AHNAK: variants seen among roughly 807,000 people sequenced by gnomAD.
AHNAK encodes AHNAK nucleoprotein, also known as neuroblast differentiation-associated protein AHNAK.
In AHNAK, 23 loss-of-function variants were observed where a neutral mutation model predicts 37.8. That is an observed-to-expected ratio of 0.61 (90% CI 0.44 to 0.86). The LOEUF (loss-of-function observed/expected upper bound fraction) is 0.86, where lower values mean the gene tolerates loss of function less well. AHNAK is among the 40% of genes least tolerant of loss of function. The pLI is 0.00. For synonymous variants in AHNAK, 2,481 were observed against 2,636.3 expected, an observed-to-expected ratio of 0.94 and a Z score of 1.80; for missense variants, 7,411 against 7,319.4, an observed-to-expected ratio of 1.01 and a Z score of -0.46.
At chr11:62,472,752 TA>T (rs762152322) in intron 5 of AHNAK, among the ~76,000 whole-genome samples, 3 of 152,072 alleles carry the variant, frequency 2.0e-5, no homozygotes, top group Admixed American at 6.6e-5. Context: ...AAATGCTGTA[TA>T]ACTCCACTTA....
Position 62,525,667 on chromosome 11 carries a change from T to A in AHNAK, c.8750A>T (p.Asn2917Ile), listed in dbSNP as rs1162539333. 6.2e-7 allele frequency: 1 copy of A among 1,613,670 alleles called. No homozygotes were observed. Among genetic ancestry groups the A allele is most frequent in the South Asian group, 1.1e-5 (1 of 91,058 alleles). The part of the protein sequence containing the change: ...FKAEGPEVDV[N>I]LPKADVDVSG... ...GACATCAACGTCAGCCTTGGGCAGG[T>A]TCACATCCACTTCAGGGCCCTCTGC... Residue 2917 changes from asparagine (N) to isoleucine (I), a missense_variant, in exon 5 of 5, where the codon AAC becomes ATC. Transcript: ENST00000378024.
rs772759818 is a variant in AHNAK at position 62,530,004 on chromosome 11, T to G, written c.4413A>C (p.Val1471=). The change falls in exon 5 of 5, where the codon GTA becomes GTC. Residue 1471 remains valine (V), a synonymous_variant. Transcript: ENST00000378024. ...TCTCTCCTTCTACTTTTGGAACTGT[T>G]ACATCATAATCTCCTTTCATTTTAG... ...KGPKMKGDYD[V]TVPKVEGEIK... is the part of the protein sequence containing the mutation. 6.2e-7 allele frequency: 1 copy of G among 1,614,030 alleles called. No homozygotes were observed. The highest frequency in any genetic ancestry group is 1.1e-5 in the South Asian group (1 of 91,068).
Position 62,529,077 on chromosome 11 carries a change from C to T in AHNAK, c.5340G>A (p.Lys1780=), listed in dbSNP as rs1940624268. The T allele has an allele frequency of 6.2e-7, 1 of 1,613,928 alleles. No individual in the cohort carries two copies. Among genetic ancestry groups the T allele is most frequent in the African/African-American group, 1.3e-5 (1 of 74,838 alleles). The change falls in exon 5 of 5, where the codon AAG becomes AAA. Residue 1780 remains lysine, a synonymous_variant. Coordinates refer to ENST00000378024, the MANE Select transcript of AHNAK (RefSeq NM_001620.3). ...KMPKLNIKAP[K]VSMPDVDLNL... ...TCAAGTCCACATCTGGCATGGAGAC[C>T]TTGGGAGCTTTTATATTCAACTTGG...
At chr11:62,478,635 C>G (rs544363161) in intron 5 of AHNAK, among the ~76,000 whole-genome samples, 47 of 151,508 alleles carry the variant, frequency 3.1e-4, no homozygotes, top group African/African-American at 1.1e-3. Flanking sequence ...GTGGTCCTAG[C>G]TACTCAGGAG....
At chr11:62,464,236 G>A (rs896912158) in intron 5 of AHNAK, among the ~76,000 whole-genome samples, 5 of 150,066 alleles carry the variant, frequency 3.3e-5, no homozygotes, top group Admixed American at 1.3e-4. Context: ...GGGGCGGGGC[G>A]GTGTAGAGAC....
rs149615783 is a variant in AHNAK at position 62,526,453 on chromosome 11, C to A, written c.7964G>T (p.Gly2655Val). 1.1e-3 allele frequency: 1,819 copies of A among 1,612,542 alleles called. 1 individual carries two copies. Among genetic ancestry groups the A allele is most frequent in the Non-Finnish European group, 1.4e-3 (1,636 of 1,179,430 alleles). The part of the protein sequence containing the change: ...KFSMPGFKGE[G>V]PDGDVKLPKA... The stretch of plus-strand genomic sequence containing the variant: ...GGGCAGCTTCACATCCCCATCTGGG[C>A]CCTCTCCTTTGAAGCCAGGCATGCT... Residue 2655 changes from glycine (G) to valine (V), a missense_variant, in exon 5 of 5, where the codon GGC becomes GTC. By Grantham distance (109) the Gly-to-Val change is moderately radical. Coordinates refer to ENST00000378024, the MANE Select transcript of AHNAK (RefSeq NM_001620.3).
In AHNAK at chr11:62,525,507, C is replaced by T. The variant is rs1940444599; in HGVS notation, c.8910G>A (p.Leu2970=). ...APKIPMPDFD[L]HLKGPKVKGD... is the part of the protein sequence containing the mutation. ...CCTTCACCTTGGGACCTTTCAGATG[C>T]AAATCAAAGTCAGGCATGGGGATCT... The change falls in exon 5 of 5, where the codon TTG becomes TTA. Residue 2970 remains leucine (L), a synonymous_variant. Coordinates refer to ENST00000378024, the MANE Select transcript of AHNAK (RefSeq NM_001620.3). 6.8e-6 allele frequency: 11 copies of T among 1,609,314 alleles called. No individual in the cohort carries two copies. The highest frequency in any genetic ancestry group is 9.3e-6 in the Non-Finnish European group (11 of 1,178,352).
At position 62,520,666 on chromosome 11, in the gene AHNAK, G is replaced by C. The variant is rs376247409; in HGVS notation, c.13751C>G (p.Pro4584Arg). 229 of 1,614,006 alleles carry C rather than the reference G, an allele frequency of 1.4e-4. No homozygotes were observed. Among genetic ancestry groups the C allele is most frequent in the Non-Finnish European group, 1.9e-4 (224 of 1,180,044 alleles). Residue 4584 changes from proline (P) to arginine (R), a missense_variant, in exon 5 of 5, where the codon CCT becomes CGT. Physicochemically the swap from Pro to Arg is moderately radical, Grantham distance 103 (BLOSUM62 -2). Coordinates refer to ENST00000378024, the MANE Select transcript of AHNAK (RefSeq NM_001620.3). The part of the protein sequence containing the change: ...GKLKGPKFKM[P>R]DLHLKAPKIS... ...CTTCGGTGCCTTGAGGTGTAAGTCA[G>C]GCATTTTAAATTTGGGGCCCTTCAG...
intron 5 of AHNAK, among the ~76,000 whole-genome samples, chr11:62,449,244 T>G (rs1446226250): frequency 6.6e-6 from 1 of 152,192 alleles, no homozygotes; most frequent in African/African-American, 2.4e-5. Context: ...ACAGCTATGC[T>G]CTCTCCTTCC....
chr11:62,513,498 G>A (rs866720550), downstream of AHNAK, among the ~76,000 whole-genome samples: 1 of 151,784 alleles, frequency 6.6e-6, no homozygotes, highest in Admixed American at 6.6e-5. Flanking sequence ...TCACACCATT[G>A]CACTCCAGCC....
At chr11:62,449,386 A>C (rs1287088144) in intron 5 of AHNAK, among the ~76,000 whole-genome samples, 1 of 152,124 alleles carries the variant, frequency 6.6e-6, no homozygotes, top group Non-Finnish European at 1.5e-5. Flanking sequence ...CAGCTGTAGA[A>C]AAGCTGAAAC....
At chr11:62,456,366 G>A (rs1221211503) in intron 5 of AHNAK, among the ~76,000 whole-genome samples, 1 of 152,218 alleles carries the variant, frequency 6.6e-6, no homozygotes, top group African/African-American at 2.4e-5. Context: ...GTCAAGCACT[G>A]TGCTAGGCGG....
In AHNAK at chr11:62,529,771, T is replaced by A; in HGVS notation, c.4646A>T (p.Asp1549Val). ...LGVSGPKVDI[D>V]VPDVNLEAPE... The stretch of plus-strand genomic sequence containing the variant: ...AGCTTCAAGATTCACATCTGGAACA[T>A]CAATGTCCACCTTGGGTCCTGAAAC... The change falls in exon 5 of 5, where the codon GAT becomes GTT. Residue 1549 changes from aspartate (D) to valine (V), a missense_variant. Coordinates refer to ENST00000378024, the MANE Select transcript of AHNAK (RefSeq NM_001620.3). 6.2e-7 allele frequency: 1 copy of A among 1,614,198 alleles called. No individual in the cohort carries two copies. Among genetic ancestry groups the A allele is most frequent in the Non-Finnish European group, 8.5e-7 (1 of 1,180,048 alleles).
Position 62,519,342 on chromosome 11 carries a change from C to T in AHNAK, c.15075G>A (p.Met5025Ile). The change falls in exon 5 of 5, where the codon ATG (methionine) becomes ATA (isoleucine). Residue 5025 changes from methionine (M) to isoleucine (I), a missense_variant. Physicochemically the swap from Met to Ile is conservative, Grantham distance 10. Transcript: ENST00000378024. ...TAGGACCACTCATATGAATTTTAGG[C>T]ATTTTAAACTTACTTTTCTTGCCCT... ...GGKGKKSKFKMPKIHMSGPKI... is the reference protein window; with the variant it reads ...GGKGKKSKFKIPKIHMSGPKI... 2.5e-6 allele frequency: 4 copies of T among 1,614,110 alleles called. No homozygotes were observed. Among genetic ancestry groups the T allele is most frequent in the Non-Finnish European group, 1.7e-6 (2 of 1,180,022 alleles).
At chr11:62,540,722 A>ATTCTTTT (rs1565252139) in intron 1 of AHNAK, among the ~76,000 whole-genome samples, 9 of 152,188 alleles carry the variant, frequency 5.9e-5, no homozygotes, top group African/African-American at 1.9e-4. Context: ...AAGGCAGAAG[A>ATTCTTTT]CTGCTTGGAG....
intron 5 of AHNAK, among the ~76,000 whole-genome samples, chr11:62,484,119 A>G (rs1012145970): frequency 6.6e-6 from 1 of 151,376 alleles, no homozygotes; most frequent in African/African-American, 2.4e-5. Context: ...GCTCACACCC[A>G]TAATCCCAAT....
chr11:62,443,754 G>A (rs542680537), intron 5 of AHNAK, among the ~76,000 whole-genome samples: 40 of 152,298 alleles, frequency 2.6e-4, no homozygotes, highest in African/African-American at 9.6e-4. Context: ...GGTTTCTCAT[G>A]TTAGGTTCAT....
intron 5 of AHNAK, among the ~76,000 whole-genome samples, chr11:62,457,235 C>G (rs1342779357): frequency 5.3e-5 from 8 of 152,068 alleles, no homozygotes; most frequent in Non-Finnish European, 7.4e-5. Context: ...ATCATGAGGT[C>G]AGGAGATCAA....
At position 62,529,250 on chromosome 11, in the gene AHNAK, G is replaced by T; in HGVS notation, c.5167C>A (p.Pro1723Thr). The T allele has an allele frequency of 6.2e-7, 1 of 1,614,174 alleles. No homozygotes were observed. Among genetic ancestry groups the T allele is most frequent in the Non-Finnish European group, 8.5e-7 (1 of 1,180,048 alleles). Residue 1723 changes from proline (P) to threonine (T), a missense_variant, in exon 5 of 5, where the codon CCT becomes ACT. Coordinates refer to ENST00000378024, the MANE Select transcript of AHNAK (RefSeq NM_001620.3). ...PKMKMPKFSM[P>T]GFKAEGPEVD... Reference sequence around the variant, plus strand: ...TCAGGGCCCTCTGCTTTGAAGCCAGGCATACTGAACTTGGGCATTTTCATC... The same window carrying T: ...TCAGGGCCCTCTGCTTTGAAGCCAGTCATACTGAACTTGGGCATTTTCATC...
Sources: allele counts gnomAD v4.1 joint callset (sites outside exome capture counted in the v4.1 genomes callset), GRCh38; gene constraint gnomAD v4.1.1; transcripts MANE v1.5; gene names NCBI Gene and HGNC (gene_info 2026-07-23, HGNC 2026-07-21).